GBE1: variants seen among roughly 807,000 people sequenced by gnomAD.
The protein encoded by GBE1 is 1,4-alpha-glucan-branching enzyme.
GBE1 carries 70 observed loss-of-function variants against 88.8 expected under a neutral mutation model. The observed-to-expected ratio is 0.79, with a 90% CI of 0.65 to 0.96. GBE1 has a LOEUF of 0.96. GBE1 is among the 40% of genes least tolerant of loss of function. GBE1 has a pLI of 0.00. For synonymous variants in GBE1, 284 were observed against 300.1 expected, an observed-to-expected ratio of 0.95 and a Z score of 0.56; for missense variants, 872 against 871.0, an observed-to-expected ratio of 1.00 and a Z score of -0.01.
chr3:81,572,931 A>G (rs544096368), intron 12 of GBE1, among the ~76,000 whole-genome samples: 33 of 152,316 alleles, frequency 2.2e-4, no homozygotes, highest in African/African-American at 7.9e-4. Context: ...CCTCTGCCTC[A>G]GCTGACTGAA....
intron 13 of GBE1, among the ~76,000 whole-genome samples, chr3:81,535,573 C>T (rs1311471249): frequency 3.9e-5 from 6 of 152,016 alleles, no homozygotes; most frequent in Admixed American, 6.6e-5. Context: ...AATAGAGAAA[C>T]AGTGTTGTGG....
intron 6 of GBE1, among the ~76,000 whole-genome samples, 169 bp downstream of exon 6, chr3:81,646,223 G>A (rs1475803524): frequency 6.6e-6 from 1 of 152,138 alleles, no homozygotes. Context: ...AATTTCTAAG[G>A]CTGGAGGAGA....
chr3:81,604,113 C>A (rs1704069990), intron 7 of GBE1, among the ~76,000 whole-genome samples: 1 of 152,054 alleles, frequency 6.6e-6, no homozygotes, highest in Non-Finnish European at 1.5e-5. Context: ...CTGGTTCATG[C>A]AAGTAAGTCC....
intron 5 of GBE1, among the ~76,000 whole-genome samples, chr3:81,647,160 G>T (rs1165663483): frequency 2.0e-5 from 3 of 151,992 alleles, no homozygotes; most frequent in Non-Finnish European, 4.4e-5. Context: ...GTTTCACCAT[G>T]CTGGCCAGGC....
At chr3:81,520,933 A>G (rs1222468089) in intron 14 of GBE1, among the ~76,000 whole-genome samples, 1 of 151,568 alleles carries the variant, frequency 6.6e-6, no homozygotes, top group East Asian at 1.9e-4. Flanking sequence ...GTCACCATGA[A>G]GGCCACATTC....
chr3:81,621,563 AC>A (rs1704333789), intron 7 of GBE1, among the ~76,000 whole-genome samples: 3 of 151,482 alleles, frequency 2.0e-5, no homozygotes, highest in African/African-American at 2.4e-5. Flanking sequence ...ACAATTCTTC[AC>A]CCCCCAACAG....
rs990749458 is a variant in GBE1, at chr3:81,733,575, A to T, written c.143+27800T>A. Among the ~76,000 whole-genome samples the T allele has an allele frequency of 6.6e-6, 1 of 151,768 alleles. No individual in the cohort carries two copies. Among genetic ancestry groups the T allele is most frequent in the Non-Finnish European group, 1.5e-5 (1 of 67,950 alleles). ...ACTGGCCATTTCTTAGGTCTGGTAC[A>T]CTCTTCCACCAGACAGTGCATGACT... On this transcript the variant is annotated intron_variant, in intron 1 of 15. Transcript: ENST00000429644. The surrounding 1 kb of genome is among the most constrained non-coding windows in gnomAD (Gnocchi z 4.0).
chr3:81,685,297 C>T (rs1191832703), intron 2 of GBE1, among the ~76,000 whole-genome samples: 1 of 152,070 alleles, frequency 6.6e-6, no homozygotes, highest in Non-Finnish European at 1.5e-5. Flanking sequence ...TCCTTCAGTC[C>T]GTGAGAAAGA....
At chr3:81,616,753 A>C (rs1704253287) in intron 7 of GBE1, among the ~76,000 whole-genome samples, 1 of 152,100 alleles carries the variant, frequency 6.6e-6, no homozygotes, top group African/African-American at 2.4e-5. Flanking sequence ...ATTTGATAGG[A>C]ATTGTCTTAA....
chr3:81,593,147 G>T (rs959193389), intron 8 of GBE1, among the ~76,000 whole-genome samples: 14 of 151,976 alleles, frequency 9.2e-5, no homozygotes, highest in African/African-American at 3.4e-4. Context: ...CAGATCACCT[G>T]AGGTCAGGAG....
intron 7 of GBE1, among the ~76,000 whole-genome samples, chr3:81,607,091 A>G (rs1704113751): frequency 1.3e-5 from 2 of 152,318 alleles, no homozygotes; most frequent in African/African-American, 4.8e-5. Flanking sequence ...ATTTTGGTCA[A>G]TCATGCACAG....
At chr3:81,663,776 C>A (rs1705064946) in intron 3 of GBE1, among the ~76,000 whole-genome samples, 1 of 152,166 alleles carries the variant, frequency 6.6e-6, no homozygotes, top group African/African-American at 2.4e-5. Flanking sequence ...GGGGTTGGAG[C>A]CCCACAGCCT....
intron 7 of GBE1, among the ~76,000 whole-genome samples, chr3:81,628,010 A>G (rs553125218): frequency 6.6e-6 from 1 of 152,074 alleles, no homozygotes; most frequent in African/African-American, 2.4e-5. Context: ...TGAGATAGGC[A>G]CCCTTTAAAT....
intron 14 of GBE1, among the ~76,000 whole-genome samples, chr3:81,524,413 A>T (rs910391381): frequency 1.3e-5 from 2 of 151,856 alleles, no homozygotes; most frequent in African/African-American, 4.8e-5. Flanking sequence ...ACAGTTTGCA[A>T]ATATTTTTCC....
At chr3:81,586,219 A>T in intron 9 of GBE1, 29 bp from the exon 10 acceptor site, 1 of 1,365,248 alleles carries the variant, frequency 7.3e-7, no homozygotes, top group South Asian at 1.3e-5. Flanking sequence ...GTTCATAATG[A>T]TCAAACTTTT....
chr3:81,682,808 T>C (rs529463490), intron 2 of GBE1, among the ~76,000 whole-genome samples: 2 of 152,324 alleles, frequency 1.3e-5, no homozygotes, highest in African/African-American at 4.8e-5. Context: ...TAAATGTTCA[T>C]AGTAGAATTA....
At chr3:81,706,414 T>A (rs897284233) in intron 1 of GBE1, among the ~76,000 whole-genome samples, 1 of 152,126 alleles carries the variant, frequency 6.6e-6, no homozygotes, top group African/African-American at 2.4e-5. Context: ...ACTACCCTAT[T>A]TTCATTAGTA....
chr3:81,656,210 C>A lies in GBE1; in HGVS notation c.430-6289G>T, dbSNP rs139588717. On this transcript the variant is annotated intron_variant, in intron 3 of 15. Coordinates refer to ENST00000429644, the MANE Select transcript of GBE1 (RefSeq NM_000158.4). ...CTTCTGTGACAAAAGAAGGTCTTTG[C>A]AGATGTGATTAAAGTACAAATCTGG... Among the ~76,000 whole-genome samples the A allele has an allele frequency of 2.3e-3, 352 of 152,182 alleles. 2 individuals carry two copies. Among genetic ancestry groups the A allele is most frequent in the African/African-American group, 8.2e-3 (342 of 41,520 alleles).
At chr3:81,636,818 C>T (rs2107047207) in intron 7 of GBE1, among the ~76,000 whole-genome samples, 1 of 152,218 alleles carries the variant, frequency 6.6e-6, no homozygotes, top group Admixed American at 6.5e-5. Flanking sequence ...GTGTGAGCCG[C>T]CATGTCCAGC....
Sources: allele counts gnomAD v4.1 joint callset (sites outside exome capture counted in the v4.1 genomes callset), GRCh38; gene constraint gnomAD v4.1.1; non-coding constraint Gnocchi (gnomAD v3.1); transcripts MANE v1.5; gene names NCBI Gene and HGNC (gene_info 2026-07-23, HGNC 2026-07-21).